Variants in KIAA0319L observed in about 807,000 individuals in gnomAD.
The protein encoded by KIAA0319L is dyslexia-associated protein KIAA0319-like protein.
KIAA0319L carries 55 observed loss-of-function variants against 120.1 expected under a neutral mutation model. The observed-to-expected ratio is 0.46, with a 90% CI of 0.37 to 0.57. The LOEUF (loss-of-function observed/expected upper bound fraction) is 0.57, where lower values mean the gene tolerates loss of function less well. Among genes scored for constraint, KIAA0319L ranks in the 20% least tolerant of loss-of-function variants. The pLI is 0.00. For missense variants in KIAA0319L, 1,049 were observed against 1,255.3 expected, an observed-to-expected ratio of 0.84 and a Z score of 2.48; for synonymous variants, 398 against 471.9, an observed-to-expected ratio of 0.84 and a Z score of 2.03.
At chr1:35,530,327 G>A (rs1210158705) in intron 2 of KIAA0319L, among the ~76,000 whole-genome samples, 1 of 151,756 alleles carries the variant, frequency 6.6e-6, no homozygotes, top group Non-Finnish European at 1.5e-5. Context: ...CACCCAGCCC[G>A]AGTTCTGAAA....
intron 7 of KIAA0319L, among the ~76,000 whole-genome samples, chr1:35,463,687 A>C (rs1160923943): frequency 6.6e-6 from 1 of 152,226 alleles, no homozygotes; most frequent in Non-Finnish European, 1.5e-5. Context: ...AAAATCTATT[A>C]CCAAGAAAGA....
At chr1:35,478,635 A>C (rs1259075437) in intron 4 of KIAA0319L, among the ~76,000 whole-genome samples, 1 of 152,254 alleles carries the variant, frequency 6.6e-6, no homozygotes, top group Non-Finnish European at 1.5e-5. Flanking sequence ...CCAGACTTTC[A>C]GAAGGTAAGC....
intron 3 of KIAA0319L, among the ~76,000 whole-genome samples, chr1:35,487,368 C>T (rs1644427485): frequency 6.6e-6 from 1 of 152,064 alleles, no homozygotes; most frequent in South Asian, 2.1e-4. Flanking sequence ...GATTCTCGTG[C>T]CTCAGCCTCC....
In KIAA0319L at chr1:35,557,208, G is replaced by A. The variant is rs1648236039; in HGVS notation, c.-30C>T. The stretch of plus-strand genomic sequence containing the variant: ...AGCCAGCCGCCCCCGGCCACCTACC[G>A]GGGCTCAGGGCCACATAGCGGGGCC... On this transcript the variant is annotated splice_region_variant and 5_prime_UTR_variant, in exon 1 of 21. Transcript: ENST00000325722. 6.0e-6 allele frequency: 1 copy of A among 167,782 alleles called. No homozygotes were observed. Among genetic ancestry groups the A allele is most frequent in the South Asian group, 1.2e-4 (1 of 8,438 alleles). The allele number at this position is 167,782 out of a possible 1,614,324, so 10.4% of individuals were successfully genotyped here. A position where few individuals can be genotyped will look rare whatever the true frequency, so the allele number is the denominator to read the frequency against.
chr1:35,483,320 G>C (rs780253568), intron 3 of KIAA0319L, among the ~76,000 whole-genome samples: 16 of 152,132 alleles, frequency 1.1e-4, no homozygotes, highest in Non-Finnish European at 1.8e-4. Flanking sequence ...CTTTGCCAAA[G>C]CAAGATCACA....
intron 2 of KIAA0319L, among the ~76,000 whole-genome samples, chr1:35,526,385 A>T (rs987455020): frequency 8.4e-6 from 1 of 118,446 alleles, no homozygotes; most frequent in Non-Finnish European, 1.6e-5. Flanking sequence ...ATATATATAC[A>T]TACATATATA....
chr1:35,495,631 G>A (rs1486899311), intron 3 of KIAA0319L, among the ~76,000 whole-genome samples: 1 of 151,778 alleles, frequency 6.6e-6, no homozygotes, highest in African/African-American at 2.4e-5. Flanking sequence ...CAGTTTTTTT[G>A]TTTGTTTGGT....
At position 35,460,425 on chromosome 1, in the gene KIAA0319L, T is replaced by C. The variant is rs1262828930; in HGVS notation, c.1307A>G (p.Asp436Gly). ...TVIDGSQSTD[D>G]DKIVQYHWEE... ...CCAATGGTACTGAACGATTTTATCA[T>C]CATCAGTGCTTTCTTGACCATAAAG... The change falls in exon 9 of 21, where the codon GAT (aspartate) becomes GGT (glycine). Residue 436 changes from aspartate (D) to glycine (G), a missense_variant. By Grantham distance (94) the Asp-to-Gly change is moderately conservative. Transcript: ENST00000325722. The C allele has an allele frequency of 6.2e-7, 1 of 1,613,010 alleles. No individual in the cohort carries two copies. Among genetic ancestry groups the C allele is most frequent in the Non-Finnish European group, 8.5e-7 (1 of 1,179,414 alleles).
chr1:35,548,539 C>T (rs1262593119), intron 2 of KIAA0319L, among the ~76,000 whole-genome samples: 1 of 152,100 alleles, frequency 6.6e-6, no homozygotes, highest in African/African-American at 2.4e-5. Flanking sequence ...TTGCTTCTGT[C>T]AATCCCTTTA....
intron 5 of KIAA0319L, among the ~76,000 whole-genome samples, chr1:35,472,081 A>G (rs893432420): frequency 2.0e-5 from 3 of 152,256 alleles, no homozygotes; most frequent in Non-Finnish European, 2.9e-5. Context: ...ATTCTTTTCC[A>G]TGTAGAAAAC....
At chr1:35,471,994 T>A (rs368137830) in intron 5 of KIAA0319L, among the ~76,000 whole-genome samples, 10 of 152,220 alleles carry the variant, frequency 6.6e-5, no homozygotes, top group South Asian at 2.1e-4. Flanking sequence ...GTAGTAGTTA[T>A]GTTACGAGAG....
Position 35,483,841 on chromosome 1 carries a change from C to A in KIAA0319L, c.667-4629G>T, listed in dbSNP as rs573908137. Among the ~76,000 whole-genome samples, 7 of 152,188 alleles carry A rather than the reference C, an allele frequency of 4.6e-5. No individual in the cohort carries two copies. The South Asian group carries it at 1.2e-3, about 27-fold the overall frequency. ...CAGAAGTCTGAAATCAAGGTGTTGG[C>A]AGGGCCATACTGCCTCTGAAGGCCC... is the stretch of plus-strand genomic sequence containing the variant. On this transcript the variant is annotated intron_variant, in intron 3 of 20. Transcript: ENST00000325722.
Position 35,545,836 on chromosome 1 carries a change from A to T in KIAA0319L, c.142+8514T>A, listed in dbSNP as rs546627175. 2.1e-3 allele frequency among the ~76,000 whole-genome samples: 323 copies of T among 152,284 alleles called. 2 individuals carry two copies. Among genetic ancestry groups the T allele is most frequent in the Non-Finnish European group, 3.3e-3 (225 of 68,014 alleles). ...CTTGAACCTGAGAGGCAGAGGTTGC[A>T]GTGAGCCAAGATTGTGCCACTGTAC... is the stretch of plus-strand genomic sequence containing the variant. On this transcript the variant is annotated intron_variant, in intron 2 of 20. Transcript: ENST00000325722.
At chr1:35,490,737 G>T (rs1644561145) in intron 3 of KIAA0319L, among the ~76,000 whole-genome samples, 2 of 152,198 alleles carry the variant, frequency 1.3e-5, no homozygotes, top group South Asian at 4.1e-4. Context: ...TTTTGGCTCT[G>T]TGTCCCCACC....
intron 2 of KIAA0319L, among the ~76,000 whole-genome samples, chr1:35,531,224 T>C (rs1646353433): frequency 6.6e-6 from 1 of 152,062 alleles, no homozygotes; most frequent in Non-Finnish European, 1.5e-5. Flanking sequence ...GGCAGGCAGA[T>C]TTCATACTCT....
chr1:35,513,288 A>ATATTTTTTTT (rs1414704674), intron 2 of KIAA0319L, among the ~76,000 whole-genome samples: 1 of 85,338 alleles, frequency 1.2e-5, no homozygotes, highest in African/African-American at 4.3e-5. Context: ...ATATATATAT[A>ATATTTTTTTT]TTTTTTTTTT....
At chr1:35,500,471 A>G (rs1644965107) in intron 3 of KIAA0319L, among the ~76,000 whole-genome samples, 1 of 152,228 alleles carries the variant, frequency 6.6e-6, no homozygotes, top group Admixed American at 6.5e-5. Flanking sequence ...ATTCCTTTCT[A>G]CTTTTGGAAT....
At chr1:35,524,607 T>C (rs142364291) in intron 2 of KIAA0319L, among the ~76,000 whole-genome samples, 9 of 152,350 alleles carry the variant, frequency 5.9e-5, no homozygotes, top group African/African-American at 2.2e-4. Flanking sequence ...GGGTGAGATC[T>C]CTGACTTCTG....
At chr1:35,555,947 T>C (rs1282285886) in intron 1 of KIAA0319L, among the ~76,000 whole-genome samples, 3 of 152,230 alleles carry the variant, frequency 2.0e-5, no homozygotes, top group Non-Finnish European at 4.4e-5. Flanking sequence ...GCAGAGTTAA[T>C]TTCATTTGAA....
Sources: allele counts gnomAD v4.1 joint callset (sites outside exome capture counted in the v4.1 genomes callset), GRCh38; gene constraint gnomAD v4.1.1; transcripts MANE v1.5; gene names NCBI Gene and HGNC (gene_info 2026-07-23, HGNC 2026-07-21).